Variants in NDUFAF6 observed in about 807,000 individuals in gnomAD.
NDUFAF6 encodes NADH:ubiquinone oxidoreductase complex assembly factor 6.
Under a neutral mutation model 40.8 loss-of-function variants are expected in NDUFAF6, and 45 were observed. The observed-to-expected ratio is 1.10, with a 90% confidence interval of 0.87 to 1.42. The LOEUF is 1.42. Ranked by LOEUF, NDUFAF6 falls within the 40% of genes most tolerant of loss-of-function variation. The probability of loss-of-function intolerance (pLI) is 0.00; values close to 1 mark genes in which losing one functional copy is unlikely to be tolerated. For missense variants in NDUFAF6, 435 were observed against 418.5 expected (o/e 1.04, Z -0.34); for synonymous variants, 185 against 155.9 (o/e 1.19, Z -1.39).
chr8:94,925,311 G>A (rs2131285719), intron 1 of NDUFAF6, among the ~76,000 whole-genome samples: 1 of 152,242 alleles, frequency 6.6e-6, no homozygotes, highest in East Asian at 1.9e-4. Context: ...TCCACAATAG[G>A]GGTATCAATG....
At chr8:95,015,252 A>G (rs535975965) in intron 2 of NDUFAF6, among the ~76,000 whole-genome samples, 1 of 152,336 alleles carries the variant, frequency 6.6e-6, no homozygotes, top group African/African-American at 2.4e-5. Context: ...TCTTGGTTCT[A>G]TAACCTAAAT....
At chr8:95,008,663 C>T (rs1023488977) in intron 2 of NDUFAF6, among the ~76,000 whole-genome samples, 7 of 152,160 alleles carry the variant, frequency 4.6e-5, no homozygotes, top group East Asian at 3.9e-4. Flanking sequence ...CGTGCCACTA[C>T]GCCCGGGTAA....
intron 1 of NDUFAF6, 84 bp from the exon 2 acceptor site, chr8:95,031,911 T>C: frequency 7.3e-7 from 1 of 1,376,388 alleles, no homozygotes; most frequent in Non-Finnish European, 1.0e-6. Context: ...TGAAGCCTTT[T>C]TGTTTTCAGT....
In NDUFAF6 at chr8:95,043,415, A is replaced by G. The variant is rs567315057; in HGVS notation, c.477+1789A>G. On this transcript the variant is annotated intron_variant, in intron 4 of 8. Coordinates refer to ENST00000396124, the MANE Select transcript of NDUFAF6 (RefSeq NM_152416.4). ...AGTGGTTTTTTAGATGTGATACCAA[A>G]GGCACAAGCAAGAAAAGAAAAAATA... 1.2e-4 allele frequency among the ~76,000 whole-genome samples: 18 copies of G among 152,160 alleles called. No individual in the cohort carries two copies. The South Asian group carries it at 3.1e-3, about 26-fold the overall frequency.
chr8:95,028,902 G>A (rs889950498), intron 1 of NDUFAF6, among the ~76,000 whole-genome samples: 3 of 152,100 alleles, frequency 2.0e-5, no homozygotes, highest in Non-Finnish European at 4.4e-5. Flanking sequence ...CTTTGCCTTC[G>A]CTGTCCTTAG....
In NDUFAF6 at chr8:94,949,371, C is replaced by T. The variant is rs533678578; in HGVS notation, c.-799+3752C>T. ...CAAGTCCTTTTGTTGTTGTGCAGCGCTCGCAACAGCTGATCGGCCGCTCCG... is the reference window on the plus strand; with the variant it reads ...CAAGTCCTTTTGTTGTTGTGCAGCGTTCGCAACAGCTGATCGGCCGCTCCG... On this transcript the variant is annotated intron_variant, in intron 2 of 14. Coordinates refer to the NDUFAF6 transcript ENST00000396113. 117 of 150,980 alleles carry T rather than the reference C, an allele frequency of 7.7e-4. 1 individual carries two copies. Among genetic ancestry groups the T allele is most frequent in the Admixed American group, 2.8e-3 (42 of 15,186 alleles). 9.4% of individuals were successfully genotyped at this position (150,980 alleles called of 1,614,324 possible).
chr8:95,094,751 C>CT (rs1468304699), intron 2 of NDUFAF6, among the ~76,000 whole-genome samples: 109 of 19,446 alleles, frequency 5.6e-3, no homozygotes, highest in South Asian at 0.033. Context: ...TCTTCTTCTT[C>CT]TTTTTTTTTT....
intron 2 of NDUFAF6, among the ~76,000 whole-genome samples, chr8:95,081,788 G>A (rs1349106225): frequency 6.6e-6 from 1 of 152,182 alleles, no homozygotes; most frequent in African/African-American, 2.4e-5. Flanking sequence ...TGGGCCGGGC[G>A]TGGTGGCTCA....
At chr8:95,004,559 A>G (rs1432009601) in intron 2 of NDUFAF6, among the ~76,000 whole-genome samples, 1 of 152,038 alleles carries the variant, frequency 6.6e-6, no homozygotes, top group Non-Finnish European at 1.5e-5. Flanking sequence ...TGTGTTGCCC[A>G]GGCTGGTCTT....
chr8:94,985,502 TATATATATA>T (rs1563770828), intron 2 of NDUFAF6, among the ~76,000 whole-genome samples: 2 of 8,666 alleles, frequency 2.3e-4, no homozygotes, highest in African/African-American at 5.6e-4. Flanking sequence ...TATATATATA[TATATATATA>T]TATATTTTTT....
downstream of NDUFAF6, among the ~76,000 whole-genome samples, chr8:95,062,045 T>C (rs996378806): frequency 6.6e-5 from 10 of 151,844 alleles, no homozygotes; most frequent in Non-Finnish European, 1.2e-4. Context: ...TAGTCCCAGC[T>C]ACTCCGGTGC....
Position 95,065,468 on chromosome 8 carries a change from A to G in NDUFAF6, c.*512-10165A>G, listed in dbSNP as rs79025578. ...TATTTTTTTCCCCCTTGGCATACAT[A>G]TAAGTACATTCTACATATTGTTTTT... is the stretch of plus-strand genomic sequence containing the variant. On this transcript the variant is annotated intron_variant and NMD_transcript_variant, in intron 9 of 9. Coordinates refer to the NDUFAF6 transcript ENST00000520757. Among the ~76,000 whole-genome samples the G allele has an allele frequency of 3.8e-3, 579 of 152,334 alleles. 3 individuals are homozygous for G. Among genetic ancestry groups the G allele is most frequent in the African/African-American group, 0.013 (551 of 41,568 alleles).
chr8:94,917,049 GGCAGTGATCCGAGA>G, intron 1 of NDUFAF6, among the ~76,000 whole-genome samples: 1 of 147,326 alleles, frequency 6.8e-6, no homozygotes, highest in African/African-American at 2.5e-5. Flanking sequence ...AGGCAGAGCT[GGCAGTGATCCGAGA>G]CCACACCTCT....
At chr8:94,986,644 G>A (rs1825920769) in intron 2 of NDUFAF6, among the ~76,000 whole-genome samples, 1 of 152,156 alleles carries the variant, frequency 6.6e-6, no homozygotes, top group Non-Finnish European at 1.5e-5. Context: ...GGGGTTTTCG[G>A]TTTTCTGCTT....
At chr8:95,094,706 C>T (rs1464119065) in intron 2 of NDUFAF6, among the ~76,000 whole-genome samples, 3 of 150,684 alleles carry the variant, frequency 2.0e-5, no homozygotes, top group African/African-American at 4.9e-5. Context: ...TGGGCCTCTG[C>T]GTCTGGCCTC....
chr8:95,038,028 C>T (rs1829704536), intron 3 of NDUFAF6, among the ~76,000 whole-genome samples: 1 of 152,112 alleles, frequency 6.6e-6, no homozygotes, highest in African/African-American at 2.4e-5. Flanking sequence ...GGACCACAGG[C>T]ATGCGCCACC....
intron 2 of NDUFAF6, among the ~76,000 whole-genome samples, chr8:94,988,008 C>T (rs539742888): frequency 6.6e-6 from 1 of 152,282 alleles, no homozygotes; most frequent in Non-Finnish European, 1.5e-5. Context: ...ATGAACTGCA[C>T]AGCATTTTCT....
At chr8:95,026,089 C>G (rs978614237) in intron 1 of NDUFAF6, among the ~76,000 whole-genome samples, 1 of 151,970 alleles carries the variant, frequency 6.6e-6, no homozygotes, top group Non-Finnish European at 1.5e-5. Context: ...CAAGTAAAAC[C>G]GTTTTTTTTT....
intron 1 of NDUFAF6, among the ~76,000 whole-genome samples, chr8:94,913,168 A>C (rs923419124): frequency 1.3e-5 from 2 of 152,200 alleles, no homozygotes; most frequent in African/African-American, 4.8e-5. Context: ...TGTACATCCT[A>C]GAGGAGAGTA....
Sources: gnomAD v4.1 joint callset for allele counts (sites outside exome capture counted in the v4.1 genomes callset) on GRCh38, gnomAD v4.1.1 for gene constraint, MANE v1.5 for transcripts, NCBI Gene and HGNC (gene_info 2026-07-23, HGNC 2026-07-21) for gene names.